RIC3: variants seen among roughly 807,000 people sequenced by gnomAD.
RIC3 encodes the protein RIC3 acetylcholine receptor chaperone, also known as protein RIC-3.
A neutral mutation model predicts 27.3 loss-of-function variants in RIC3; 28 were observed. That is an observed-to-expected ratio of 1.02 (90% CI 0.76 to 1.41). RIC3 has a LOEUF of 1.41. RIC3 is among the 40% of genes most tolerant of loss of function. The pLI is 0.00. For synonymous variants in RIC3, 184 were observed against 160.4 expected (o/e 1.15, Z -1.11); for missense variants, 501 against 444.7 (o/e 1.13, Z -1.14).
chr11:8,093,768 G>A, the RIC3 span, among the ~76,000 whole-genome samples: 1 of 152,164 alleles, frequency 6.6e-6, no homozygotes, highest in African/African-American at 2.4e-5. Context: ...GAACTTTTGA[G>A]TGCGCACTTT....
intron 1 of RIC3, among the ~76,000 whole-genome samples, chr11:8,168,483 A>G (rs927547716): frequency 2.0e-5 from 3 of 152,204 alleles, no homozygotes; most frequent in African/African-American, 7.2e-5. Context: ...CAGAAAGTAC[A>G]CGGAAAACCT....
chr11:8,113,977 G>C (rs1456160964), intron 5 of RIC3, among the ~76,000 whole-genome samples: 1 of 152,072 alleles, frequency 6.6e-6, no homozygotes, highest in Non-Finnish European at 1.5e-5. Flanking sequence ...CAAGCACCAG[G>C]TCCATGCCTG....
chr11:8,100,441 C>T, the RIC3 span: 7 of 1,330,294 alleles, frequency 5.3e-6, no homozygotes, highest in South Asian at 1.2e-5. Context: ...TCCCGTCCCC[C>T]CCACCTTCTC....
At chr11:8,138,471 G>T in intron 2 of RIC3, 124 bp from the exon 3 acceptor site, 1 of 560,794 alleles carries the variant, frequency 1.8e-6, no homozygotes, top group Non-Finnish European at 3.1e-6. Flanking sequence ...AAATCAAATA[G>T]CAACACTAGA....
chr11:8,144,949 A>G (rs1025394797), intron 1 of RIC3, among the ~76,000 whole-genome samples: 5 of 141,610 alleles, frequency 3.5e-5, no homozygotes, highest in Non-Finnish European at 6.1e-5. Context: ...CAAACACCGC[A>G]TATTCTCACT....
intron 4 of RIC3, among the ~76,000 whole-genome samples, chr11:8,130,360 T>G (rs994248441): frequency 1.3e-5 from 2 of 152,210 alleles, no homozygotes; most frequent in African/African-American, 4.8e-5. Flanking sequence ...CAACAGTCCA[T>G]GAGGAGACTT....
chr11:8,098,729 A>C, the RIC3 span: 1 of 1,536,860 alleles, frequency 6.5e-7, no homozygotes, highest in Middle Eastern at 1.8e-4. Context: ...AGGGTGCATG[A>C]CTCTATACTG....
the RIC3 span, chr11:8,096,665 T>G: frequency 6.6e-7 from 1 of 1,520,824 alleles, no homozygotes; most frequent in Non-Finnish European, 9.1e-7. Context: ...TCATCCCTTC[T>G]TCTTCTCTCC....
intron 4 of RIC3, among the ~76,000 whole-genome samples, chr11:8,134,453 C>T (rs1425233316): frequency 6.6e-6 from 1 of 152,170 alleles, no homozygotes. Flanking sequence ...CCTCAGTAAA[C>T]ATATGTGTGC....
At chr11:8,097,683 T>C in the RIC3 span, 2 of 1,574,508 alleles carry the variant, frequency 1.3e-6, no homozygotes, top group Non-Finnish European at 1.7e-6. Context: ...AGAGGCTGAG[T>C]CTGGAATATG....
intron 4 of RIC3, among the ~76,000 whole-genome samples, chr11:8,127,323 G>A (rs1268941879): frequency 1.3e-5 from 2 of 152,296 alleles, no homozygotes; most frequent in South Asian, 2.1e-4. Context: ...AATTTCAGAG[G>A]TGGGTGATTT....
Position 8,137,365 on chromosome 11 carries a change from C to T in RIC3, c.521+13G>A. On this transcript the variant is annotated intron_variant, in intron 4 of 5. Transcript: ENST00000309737. ...ATGAGAAATAGTCTGAGTCCCGTTA[C>T]ATGAAAACCTACCTCTCACCATTAG... The T allele has an allele frequency of 6.2e-7, 1 of 1,606,838 alleles. No homozygotes were observed. Among genetic ancestry groups the T allele is most frequent in the Non-Finnish European group, 8.5e-7 (1 of 1,173,668 alleles).
At chr11:8,163,519 A>G (rs1951389977) in intron 1 of RIC3, among the ~76,000 whole-genome samples, 1 of 152,196 alleles carries the variant, frequency 6.6e-6, no homozygotes, top group Non-Finnish European at 1.5e-5. Context: ...TATGCAGACA[A>G]GTTCAGCGAG....
chr11:8,098,512 T>C, the RIC3 span, among the ~76,000 whole-genome samples: 7 of 152,190 alleles, frequency 4.6e-5, no homozygotes, highest in African/African-American at 1.4e-4. Context: ...TGAAGAATCC[T>C]GATTGACCTC....
intron 5 of RIC3, among the ~76,000 whole-genome samples, chr11:8,115,064 A>T (rs1057423087): frequency 1.3e-5 from 2 of 152,250 alleles, no homozygotes; most frequent in South Asian, 4.1e-4. Flanking sequence ...AAATCTGGGG[A>T]AAGTTATAAA....
rs1199023006 is a variant in RIC3, at chr11:8,111,053, T to A, written c.755A>T (p.Asp252Val). The change falls in exon 6 of 6, where the codon GAC becomes GTC. Residue 252 changes from aspartate to valine, a missense_variant. Physicochemically the swap from Asp to Val is radical, Grantham distance 152. Transcript: ENST00000309737. The stretch of plus-strand genomic sequence containing the variant: ...TTCTTCAGCAGAAAGTTCTTTTGGG[T>A]CAGGGTAATCCACCAAGATTGTTTC... ...RQETILVDYPDPKELSAEEIA... is the reference protein window; with the variant it reads ...RQETILVDYPVPKELSAEEIA... 6.2e-7 allele frequency: 1 copy of A among 1,614,154 alleles called. No homozygotes were observed. The highest frequency in any genetic ancestry group is 8.5e-7 in the Non-Finnish European group (1 of 1,180,010).
chr11:8,105,625 G>C (rs1253704506), downstream of RIC3: 1 of 152,136 alleles, frequency 6.6e-6, no homozygotes, highest in Admixed American at 6.6e-5. Flanking sequence ...ACAAGATAAA[G>C]ATGTTACATT....
chr11:8,133,275 G>T (rs1289233034), intron 4 of RIC3, among the ~76,000 whole-genome samples: 1 of 152,166 alleles, frequency 6.6e-6, no homozygotes, highest in East Asian at 1.9e-4. Flanking sequence ...CCAGAACTGT[G>T]AGCTAAATAA....
At chr11:8,098,672 A>G in the RIC3 span, 68 of 962,936 alleles carry the variant, frequency 7.1e-5, no homozygotes, top group Admixed American at 1.2e-4. Context: ...AATGTTTTGC[A>G]GGCTCCTCAT....
Sources: allele counts gnomAD v4.1 joint callset (sites outside exome capture counted in the v4.1 genomes callset), GRCh38; gene constraint gnomAD v4.1.1; transcripts MANE v1.5; gene names NCBI Gene and HGNC (gene_info 2026-07-23, HGNC 2026-07-21).